Variants in NRG1 observed in about 807,000 individuals in gnomAD.
NRG1 encodes the protein neuregulin 1, also known as pro-neuregulin-1, membrane-bound isoform.
NRG1 carries 18 observed loss-of-function variants against 63.8 expected under a neutral mutation model. The observed-to-expected ratio is 0.28, with a 90% CI of 0.19 to 0.42. The LOEUF (loss-of-function observed/expected upper bound fraction) is 0.42, where lower values mean the gene tolerates loss of function less well. Among genes scored for constraint, NRG1 ranks in the 10% least tolerant of loss-of-function variants. The pLI is 1.00. For synonymous variants in NRG1, 302 were observed against 301.3 expected (o/e 1.00, Z -0.02); for missense variants, 762 against 814.7 (o/e 0.94, Z 0.79).
chr8:32,642,813 A>G (rs1476256371), intron 5 of NRG1, among the ~76,000 whole-genome samples: 1 of 151,654 alleles, frequency 6.6e-6, no homozygotes, highest in African/African-American at 2.4e-5. Flanking sequence ...TTTTAGAGTT[A>G]TATTGCCAAG....
intron 1 of NRG1, among the ~76,000 whole-genome samples, chr8:32,258,247 A>G (rs1291779388): frequency 6.6e-6 from 1 of 152,192 alleles, no homozygotes; most frequent in Non-Finnish European, 1.5e-5. Flanking sequence ...TTCCTCTCTC[A>G]TTCTGAAATA....
chr8:32,497,524 T>A (rs1230887487), intron 1 of NRG1, among the ~76,000 whole-genome samples: 1 of 152,010 alleles, frequency 6.6e-6, no homozygotes, highest in Non-Finnish European at 1.5e-5. Context: ...ATAATTATCA[T>A]TTTTTAACTT....
rs565840647 is a variant in NRG1 at position 31,789,137 on chromosome 8, A to G, written c.37+149706A>G. Among the ~76,000 whole-genome samples, 50 of 152,346 alleles carry G rather than the reference A, an allele frequency of 3.3e-4. 1 individual carries two copies. The highest frequency in any genetic ancestry group is 1.2e-3 in the African/African-American group (49 of 41,584). ...GTTTTTATCTTTAACATAAAAGGTT[A>G]GAAAACTTGAAAATCTTAAAGTCTC... is the stretch of plus-strand genomic sequence containing the variant. On this transcript the variant is annotated intron_variant, in intron 1 of 10. Coordinates refer to the NRG1 transcript ENST00000519301.
intron 1 of NRG1, among the ~76,000 whole-genome samples, chr8:32,353,774 T>C (rs1336712875): frequency 1.3e-5 from 2 of 152,174 alleles, no homozygotes; most frequent in African/African-American, 4.8e-5. Context: ...TCTTAACAAT[T>C]TAAATGTACA....
intron 1 of NRG1, among the ~76,000 whole-genome samples, chr8:32,389,600 G>A (rs1443954707): frequency 1.3e-5 from 2 of 151,898 alleles, no homozygotes; most frequent in Admixed American, 6.6e-5. Context: ...CCCTAGTTCT[G>A]GCCATCCTCA....
intron 1 of NRG1, among the ~76,000 whole-genome samples, chr8:31,905,725 TAA>T (rs34260663): frequency 0.2 from 30,121 of 152,000 alleles, 4,245 homozygotes; most frequent in African/African-American, 0.4. Context: ...AATATTAAGT[TAA>T]GATGCTTGAC....
chr8:32,741,943 T>C, intron 6 of NRG1, 65 bp from the exon 7 acceptor site: 1 of 1,222,504 alleles, frequency 8.2e-7, no homozygotes, highest in Non-Finnish European at 1.2e-6. Context: ...AGGAGGAAAA[T>C]TGCCAGTCTG....
chr8:32,771,714 A>AT (rs1831810009), downstream of NRG1, among the ~76,000 whole-genome samples: 1 of 111,944 alleles, frequency 8.9e-6, no homozygotes, highest in African/African-American at 3.7e-5. Context: ...TTTAAAAAAA[A>AT]AATATATATA....
chr8:31,777,531 A>C (rs538377744), intron 1 of NRG1, among the ~76,000 whole-genome samples: 250 of 152,336 alleles, frequency 1.6e-3, no homozygotes, highest in Middle Eastern at 6.8e-3. Context: ...TGTGCCCCCA[A>C]ATATCCTGGC....
chr8:32,004,571 A>G (rs578042587), intron 1 of NRG1, among the ~76,000 whole-genome samples: 75 of 151,992 alleles, frequency 4.9e-4, no homozygotes, highest in African/African-American at 1.7e-3. Context: ...CTATAAATCT[A>G]ATACTGTTTA....
At position 32,340,668 on chromosome 8, in the gene NRG1, C is replaced by A. The variant is rs1293994188; in HGVS notation, c.38-255160C>A. Among the ~76,000 whole-genome samples the A allele has an allele frequency of 2.2e-4, 33 of 152,272 alleles. 1 individual carries two copies. Among genetic ancestry groups the A allele is most frequent in the Non-Finnish European group, 5.9e-5 (4 of 68,026 alleles). On this transcript the variant is annotated intron_variant, in intron 1 of 10. Transcript: ENST00000519301. ...GCTCCTGGATTCAGTATCATTATCT[C>A]CATATCACAAAGAATGAGGGACTCT...
chr8:32,241,622 A>C (rs1266956306), intron 1 of NRG1, among the ~76,000 whole-genome samples: 1 of 152,220 alleles, frequency 6.6e-6, no homozygotes. Context: ...AAAATGAATT[A>C]ACAAATTAAA....
intron 1 of NRG1, among the ~76,000 whole-genome samples, chr8:32,174,027 C>T (rs1453330713): frequency 1.3e-4 from 20 of 152,212 alleles, no homozygotes; most frequent in Admixed American, 1.3e-3. Flanking sequence ...CCCAAATCAA[C>T]AGAATATACA....
intron 6 of NRG1, among the ~76,000 whole-genome samples, chr8:32,732,861 G>A (rs1824078392): frequency 1.5e-5 from 2 of 135,502 alleles, no homozygotes; most frequent in South Asian, 2.4e-4. Context: ...AGGCTGGAGT[G>A]CAATGGTGCA....
At chr8:32,408,238 T>G (rs1460902384) in intron 1 of NRG1, among the ~76,000 whole-genome samples, 1 of 152,176 alleles carries the variant, frequency 6.6e-6, no homozygotes, top group African/African-American at 2.4e-5. Flanking sequence ...CTCAGGGTGA[T>G]GAGCATGTGT....
intron 1 of NRG1, among the ~76,000 whole-genome samples, chr8:32,312,153 GTTTGTTTTT>G (rs1856875453): frequency 2.0e-5 from 2 of 98,206 alleles, no homozygotes; most frequent in Admixed American, 2.5e-4. Flanking sequence ...ATTTGACCTT[GTTTGTTTTT>G]TTTTTTTTTT....
At chr8:32,036,574 G>A (rs182266364) in intron 1 of NRG1, among the ~76,000 whole-genome samples, 7 of 152,142 alleles carry the variant, frequency 4.6e-5, no homozygotes, top group South Asian at 2.1e-4. Flanking sequence ...CCCAGTCAGC[G>A]GTAGGTTCAG....
chr8:32,356,486 CCCG>C (rs1806447021), intron 1 of NRG1, among the ~76,000 whole-genome samples: 1 of 48,040 alleles, frequency 2.1e-5, no homozygotes, highest in Non-Finnish European at 4.4e-5. Context: ...CCCCCCCCCA[CCCG>C]CCGGGCCCCA....
chr8:31,751,004 G>C (rs557076875), intron 1 of NRG1, among the ~76,000 whole-genome samples: 1 of 151,912 alleles, frequency 6.6e-6, no homozygotes, highest in Non-Finnish European at 1.5e-5. Flanking sequence ...GCTCCCAAAT[G>C]CTAGTCAAAT....
Sources: allele counts gnomAD v4.1 joint callset (sites outside exome capture counted in the v4.1 genomes callset), GRCh38; gene constraint gnomAD v4.1.1; transcripts MANE v1.5; gene names NCBI Gene and HGNC (gene_info 2026-07-23, HGNC 2026-07-21).